Variants in KHDRBS2 observed in about 807,000 individuals in gnomAD.
KHDRBS2 encodes KH RNA binding domain containing, signal transduction associated 2.
A neutral mutation model predicts 44.3 loss-of-function variants in KHDRBS2; 26 were observed. That is an observed-to-expected ratio of 0.59 (90% CI 0.43 to 0.81). The LOEUF (loss-of-function observed/expected upper bound fraction) is 0.81. Among genes scored for constraint, KHDRBS2 ranks in the 40% least tolerant of loss-of-function variants. The pLI is 0.00. For missense variants in KHDRBS2, 476 were observed against 433.1 expected, an observed-to-expected ratio of 1.10 and a Z score of -0.88; for synonymous variants, 194 against 151.1, an observed-to-expected ratio of 1.28 and a Z score of -2.08.
intron 6 of KHDRBS2, among the ~76,000 whole-genome samples, chr6:61,847,944 T>C (rs1254139287): frequency 6.6e-6 from 1 of 152,082 alleles, no homozygotes; most frequent in Non-Finnish European, 1.5e-5. Context: ...AATTCTATTG[T>C]TACTAAACTG....
At chr6:62,231,748 T>C (rs1366369764) in intron 1 of KHDRBS2, among the ~76,000 whole-genome samples, 1 of 152,204 alleles carries the variant, frequency 6.6e-6, no homozygotes, top group Admixed American at 6.5e-5. Context: ...TTAATACCTT[T>C]CATTTTTTCC....
chr6:61,719,625 A>G (rs992316581), intron 7 of KHDRBS2, among the ~76,000 whole-genome samples: 1 of 152,044 alleles, frequency 6.6e-6, no homozygotes. Context: ...TGCATAATCA[A>G]CTCATCAATT....
At chr6:61,897,257 C>T (rs1803083305) in intron 5 of KHDRBS2, among the ~76,000 whole-genome samples, 1 of 152,072 alleles carries the variant, frequency 6.6e-6, no homozygotes, top group Non-Finnish European at 1.5e-5. Flanking sequence ...CCAGTGATTC[C>T]AAAATACAGG....
intron 7 of KHDRBS2, among the ~76,000 whole-genome samples, chr6:61,705,602 T>G (rs988600736): frequency 1.3e-5 from 2 of 151,986 alleles, no homozygotes; most frequent in African/African-American, 4.8e-5. Context: ...CTCATTTGTA[T>G]TTGCATAATA....
chr6:61,816,728 A>G (rs575051858), intron 6 of KHDRBS2: 9 of 391,904 alleles, frequency 2.3e-5, no homozygotes, highest in South Asian at 1.6e-4. Flanking sequence ...ATCTACTAAA[A>G]TGTAGAATGC....
intron 4 of KHDRBS2, among the ~76,000 whole-genome samples, chr6:61,914,608 T>C (rs1047452839): frequency 3.9e-5 from 6 of 152,166 alleles, no homozygotes; most frequent in Admixed American, 2.0e-4. Context: ...TGTATACATA[T>C]GTAAGAAACC....
chr6:61,994,058 G>A (rs1776717674), intron 3 of KHDRBS2, among the ~76,000 whole-genome samples: 1 of 152,110 alleles, frequency 6.6e-6, no homozygotes, highest in African/African-American at 2.4e-5. Flanking sequence ...CTCGCTGCCT[G>A]CTGCTCAAGG....
chr6:62,089,212 CTTTCCAGGGGAG>C (rs2127361866), intron 2 of KHDRBS2, among the ~76,000 whole-genome samples: 1 of 146,178 alleles, frequency 6.8e-6, no homozygotes, highest in Admixed American at 7.0e-5. Flanking sequence ...CTTCAGTCCC[CTTTCCAGGGGAG>C]TGAACAGTTC....
the KHDRBS2 span, among the ~76,000 whole-genome samples, chr6:61,642,783 T>C: frequency 2.6e-5 from 4 of 152,180 alleles, no homozygotes; most frequent in Non-Finnish European, 4.4e-5. Context: ...CCAACAAATA[T>C]GTTCTAATCC....
At chr6:61,834,035 G>A (rs2127264918) in intron 6 of KHDRBS2, among the ~76,000 whole-genome samples, 1 of 152,158 alleles carries the variant, frequency 6.6e-6, no homozygotes, top group East Asian at 1.9e-4. Flanking sequence ...ATTTATGTCT[G>A]TTGGTAGATT....
the KHDRBS2 span, among the ~76,000 whole-genome samples, chr6:61,642,495 T>TAA: frequency 0.2 from 26,741 of 133,874 alleles, 2,976 homozygotes; most frequent in South Asian, 0.33. Context: ...GTTTCTATAT[T>TAA]AAAAAAAAAA....
intron 6 of KHDRBS2, among the ~76,000 whole-genome samples, chr6:61,766,443 T>G (rs1449833764): frequency 6.6e-6 from 1 of 152,050 alleles, no homozygotes; most frequent in Non-Finnish European, 1.5e-5. Context: ...TGATATTTTG[T>G]ATTTTTTTGT....
At chr6:61,692,262 C>A (rs1273746618) in intron 8 of KHDRBS2, among the ~76,000 whole-genome samples, 1 of 151,854 alleles carries the variant, frequency 6.6e-6, no homozygotes, top group African/African-American at 2.4e-5. Flanking sequence ...TTTGGAATTC[C>A]TGTAAGTCAA....
intron 6 of KHDRBS2, among the ~76,000 whole-genome samples, chr6:61,881,047 G>T (rs1310524770): frequency 6.6e-6 from 1 of 151,858 alleles, no homozygotes; most frequent in Non-Finnish European, 1.5e-5. Context: ...AAAGATAAGA[G>T]GAGAAATTTG....
Position 61,906,726 on chromosome 6 carries a change from A to T in KHDRBS2, c.484-5355T>A, listed in dbSNP as rs542917496. Among the ~76,000 whole-genome samples, 71 of 152,250 alleles carry T rather than the reference A, an allele frequency of 4.7e-4. No homozygotes were observed. In the Middle Eastern group the frequency reaches 0.01, roughly 22 times the overall value. On this transcript the variant is annotated intron_variant, in intron 4 of 8. Transcript: ENST00000281156. Reference sequence around the variant, plus strand: ...CATCTACGTTGTTGCAAATGACAGGATTTTATTCTTTTTATGGCAGAATAA... The same window carrying T: ...CATCTACGTTGTTGCAAATGACAGGTTTTTATTCTTTTTATGGCAGAATAA...
At chr6:61,956,915 C>CATCATCA in intron 4 of KHDRBS2, among the ~76,000 whole-genome samples, 1 of 150,952 alleles carries the variant, frequency 6.6e-6, no homozygotes, top group African/African-American at 2.5e-5. Context: ...TCATCATCAT[C>CATCATCA]ATCATCATCA....
chr6:61,663,377 G>A, the KHDRBS2 span, among the ~76,000 whole-genome samples: 1 of 145,968 alleles, frequency 6.9e-6, no homozygotes, highest in Non-Finnish European at 1.5e-5. Flanking sequence ...TTGTGCACAT[G>A]TACCCTAAAA....
At chr6:61,667,834 T>C in the KHDRBS2 span, among the ~76,000 whole-genome samples, 3 of 151,368 alleles carry the variant, frequency 2.0e-5, no homozygotes, top group East Asian at 5.9e-4. Flanking sequence ...TACAATGAAA[T>C]GGTAGAATTA....
At position 62,207,381 on chromosome 6, in the gene KHDRBS2, C is replaced by T. The variant is rs183687872; in HGVS notation, c.92-30069G>A. Among the ~76,000 whole-genome samples the T allele has an allele frequency of 5.1e-4, 77 of 152,126 alleles. No homozygotes were observed. The East Asian group carries it at 5.4e-3, about 11-fold the overall frequency. On this transcript the variant is annotated intron_variant, in intron 1 of 8. Transcript: ENST00000281156. ...AATGCAAAGGCTGATGTGGTTTATA[C>T]GATAAACAAGACTCCTGGACCTACC...
Sources: gnomAD v4.1 joint callset for allele counts (sites outside exome capture counted in the v4.1 genomes callset) on GRCh38, gnomAD v4.1.1 for gene constraint, MANE v1.5 for transcripts, NCBI Gene and HGNC (gene_info 2026-07-23, HGNC 2026-07-21) for gene names.